The following ADORA1 variants were observed in gnomAD, a reference collection of about 807,000 sequenced individuals.
ADORA1 encodes the protein adenosine A1 receptor.
A neutral mutation model predicts 19.9 loss-of-function variants in ADORA1; 6 were observed. That is an observed-to-expected ratio of 0.30 (90% CI 0.17 to 0.59). ADORA1 has a LOEUF of 0.59. ADORA1 is among the 20% of genes least tolerant of loss of function. The probability of loss-of-function intolerance (pLI) is 0.87; values close to 1 mark genes in which losing one functional copy is unlikely to be tolerated. For missense variants in ADORA1, 302 were observed against 439.2 expected, an observed-to-expected ratio of 0.69 and a Z score of 2.79; for synonymous variants, 194 against 188.4, an observed-to-expected ratio of 1.03 and a Z score of -0.24.
intron 3 of ADORA1, among the ~76,000 whole-genome samples, chr1:203,136,465 AT>A (rs1440065893): frequency 6.6e-6 from 1 of 152,146 alleles, no homozygotes; most frequent in Non-Finnish European, 1.5e-5. Flanking sequence ...CCATTTATCT[AT>A]TTTATAAGTG....
At chr1:203,149,098 G>A (rs1012524197) in intron 3 of ADORA1, among the ~76,000 whole-genome samples, 38 of 151,972 alleles carry the variant, frequency 2.5e-4, no homozygotes, top group African/African-American at 8.2e-4. Flanking sequence ...GGCTGGTCGC[G>A]AACTCTTGAC....
intron 3 of ADORA1, among the ~76,000 whole-genome samples, chr1:203,133,216 C>T (rs1252035804): frequency 1.3e-5 from 2 of 151,764 alleles, no homozygotes; most frequent in African/African-American, 2.4e-5. Flanking sequence ...CAGGTTCAAG[C>T]GATTCTCCTG....
rs559503515 is a variant in ADORA1, at chr1:203,158,173, C to T, written c.342-7088C>T. ...TCATCTTTAAATCATCTCTGTCTTC[C>T]TTCACTTTGCTATAAATGGCAAAAA... On this transcript the variant is annotated intron_variant, in intron 3 of 3. Coordinates refer to ENST00000337894, the MANE Select transcript of ADORA1 (RefSeq NM_000674.3). 3.9e-5 allele frequency among the ~76,000 whole-genome samples: 6 copies of T among 152,236 alleles called. No homozygotes were observed. The East Asian group carries it at 1.2e-3, about 29-fold the overall frequency.
At chr1:203,141,998 G>A (rs780068181) in intron 3 of ADORA1, among the ~76,000 whole-genome samples, 16 of 152,286 alleles carry the variant, frequency 1.1e-4, no homozygotes, top group South Asian at 4.2e-4. Flanking sequence ...AGTCAGACTG[G>A]AGTAAAAATC....
intron 3 of ADORA1, among the ~76,000 whole-genome samples, chr1:203,156,186 A>T (rs1655193034): frequency 6.6e-6 from 1 of 152,228 alleles, no homozygotes; most frequent in South Asian, 2.1e-4. Context: ...CTGGAGAGAA[A>T]CTAATAATAA....
intron 3 of ADORA1, among the ~76,000 whole-genome samples, chr1:203,156,958 C>T (rs1483491464): frequency 6.6e-6 from 1 of 152,198 alleles, no homozygotes; most frequent in Non-Finnish European, 1.5e-5. Flanking sequence ...TCTTAAAGGT[C>T]CCACCTCTCT....
At chr1:203,135,259 A>T (rs1052156717) in intron 3 of ADORA1, among the ~76,000 whole-genome samples, 7 of 152,250 alleles carry the variant, frequency 4.6e-5, no homozygotes, top group Middle Eastern at 3.2e-3. Flanking sequence ...TATTTTATTT[A>T]TGCATTCTTA....
At chr1:203,150,525 G>A in intron 3 of ADORA1, 4 of 1,085,146 alleles carry the variant, frequency 3.7e-6, no homozygotes, top group Non-Finnish European at 3.6e-6. Flanking sequence ...AAAACTGCTG[G>A]GTCCTGGGGT....
chr1:203,140,198 G>A (rs562735846), intron 3 of ADORA1, among the ~76,000 whole-genome samples: 4 of 152,312 alleles, frequency 2.6e-5, no homozygotes, highest in Admixed American at 2.6e-4. Flanking sequence ...AGGATGGGTT[G>A]GAGTGGGGTT....
intron 3 of ADORA1, chr1:203,152,866 G>T (rs1162333922): frequency 6.6e-6 from 1 of 152,210 alleles, no homozygotes; most frequent in East Asian, 1.9e-4. Context: ...CCAGGGCATT[G>T]TCTCAAAGTG....
At chr1:203,163,218 G>A (rs1359198002) in intron 3 of ADORA1, among the ~76,000 whole-genome samples, 4 of 152,220 alleles carry the variant, frequency 2.6e-5, no homozygotes, top group Non-Finnish European at 4.4e-5. Context: ...GGGGTAAGAA[G>A]AGCTCAGGCA....
At chr1:203,141,571 GAT>G (rs1654692320) in intron 3 of ADORA1, among the ~76,000 whole-genome samples, 1 of 81,392 alleles carries the variant, frequency 1.2e-5, no homozygotes, top group African/African-American at 4.3e-5. Context: ...CTCTAACCTG[GAT>G]TTTTTTTTTT....
intron 3 of ADORA1, among the ~76,000 whole-genome samples, chr1:203,157,394 T>C (rs1159529728): frequency 6.6e-6 from 1 of 152,232 alleles, no homozygotes; most frequent in Admixed American, 6.5e-5. Flanking sequence ...GATTCTAGAA[T>C]AGCCTTTTAC....
intron 3 of ADORA1, among the ~76,000 whole-genome samples, chr1:203,163,787 C>T (rs1009776387): frequency 5.9e-5 from 9 of 152,146 alleles, no homozygotes; most frequent in African/African-American, 1.2e-4. Context: ...CTAGGAGAAG[C>T]GTTGTCCGGG....
chr1:203,158,939 G>T (rs544368706), intron 3 of ADORA1, among the ~76,000 whole-genome samples: 1 of 152,272 alleles, frequency 6.6e-6, no homozygotes, highest in South Asian at 2.1e-4. Flanking sequence ...GCAATTAATG[G>T]CATTAATCCA....
At chr1:203,150,735 A>G (rs1192668925) in intron 3 of ADORA1, 12 of 1,289,776 alleles carry the variant, frequency 9.3e-6, no homozygotes, top group Non-Finnish European at 1.2e-5. Flanking sequence ...TGGAATGCGG[A>G]GCTGAGTGTG....
chr1:203,129,016 G>A lies in ADORA1; in HGVS notation c.175G>A (p.Gly59Ser), dbSNP rs1248057759. Residue 59 changes from glycine (G) to serine (S), a missense_variant, in exon 3 of 4, where the codon GGT (glycine) becomes AGT (serine). By Grantham distance (56) the Gly-to-Ser change is moderately conservative (BLOSUM62 0). Transcript: ENST00000337894. The stretch of plus-strand genomic sequence containing the variant: ...GCTGGCGGTGGCTGATGTGGCCGTG[G>A]GTGCCCTGGTCATCCCCCTCGCCAT... Reference protein sequence around the residue: ...VSLAVADVAVGALVIPLAILI... With the variant: ...VSLAVADVAVSALVIPLAILI... 1.2e-6 allele frequency: 2 copies of A among 1,614,084 alleles called. No homozygotes were observed. Among genetic ancestry groups the A allele is most frequent in the South Asian group, 2.2e-5 (2 of 91,082 alleles).
chr1:203,132,017 G>A (rs559170786), intron 3 of ADORA1, among the ~76,000 whole-genome samples: 2 of 152,344 alleles, frequency 1.3e-5, no homozygotes, highest in South Asian at 4.1e-4. Context: ...GGTTTGGTCA[G>A]TCAACCACAA....
intron 3 of ADORA1, among the ~76,000 whole-genome samples, chr1:203,137,165 T>C (rs4950922): frequency 0.51 from 76,959 of 152,004 alleles, 21,070 homozygotes; most frequent in Non-Finnish European, 0.62. Flanking sequence ...ACTGAGAAGG[T>C]GCCATTTGAC....
Sources: gnomAD v4.1 joint callset for allele counts (sites outside exome capture counted in the v4.1 genomes callset) on GRCh38, gnomAD v4.1.1 for gene constraint, MANE v1.5 for transcripts, NCBI Gene and HGNC (gene_info 2026-07-23, HGNC 2026-07-21) for gene names.